Variants in PPP2R2B observed in about 807,000 individuals in gnomAD.
PPP2R2B encodes protein phosphatase 2 regulatory subunit Bbeta.
PPP2R2B carries 5 observed loss-of-function variants against 46.0 expected under a neutral mutation model. That is an observed-to-expected ratio of 0.11 (90% CI 0.06 to 0.23). The LOEUF is 0.23. Among genes scored for constraint, PPP2R2B ranks in the 10% least tolerant of loss-of-function variants. The pLI is 1.00. For missense variants in PPP2R2B, 367 were observed against 575.0 expected, an observed-to-expected ratio of 0.64 and a Z score of 3.70; for synonymous variants, 215 against 206.7, an observed-to-expected ratio of 1.04 and a Z score of -0.34.
rs991391441 is a variant in PPP2R2B at position 146,590,342 on chromosome 5, C to CA, written c.1053-117dup. 16 of 1,014,544 alleles carry CA rather than the reference C, an allele frequency of 1.6e-5. No homozygotes were observed. The African/African-American group carries it at 1.7e-4, about 11-fold the overall frequency. 62.8% of individuals were successfully genotyped at this position (1,014,544 alleles called of 1,614,324 possible). A position where few individuals can be genotyped will look rare whatever the true frequency, so the allele number is the denominator to read the frequency against. ...CATAGGTTTTATTAAAAACAAAAAC[C>CA]AAAAAATGAGAACAGGCTCTGCAGT... On this transcript the variant is annotated intron_variant, in intron 9 of 9. Coordinates refer to ENST00000394411, the MANE Select transcript of PPP2R2B (RefSeq NM_181675.4).
At chr5:146,817,964 C>T (rs1240781724) in intron 2 of PPP2R2B, among the ~76,000 whole-genome samples, 1 of 152,192 alleles carries the variant, frequency 6.6e-6, no homozygotes, top group Non-Finnish European at 1.5e-5. Context: ...GTCATGGATC[C>T]CTTTCCACCT....
chr5:146,952,720 C>T (rs150216115), intron 1 of PPP2R2B, among the ~76,000 whole-genome samples: 12 of 152,242 alleles, frequency 7.9e-5, no homozygotes, highest in African/African-American at 2.6e-4. Context: ...GGCAGTAACA[C>T]CATCTGTATA....
At chr5:146,824,684 A>C (rs535615211) in intron 2 of PPP2R2B, among the ~76,000 whole-genome samples, 115 of 152,236 alleles carry the variant, frequency 7.6e-4, no homozygotes, top group Non-Finnish European at 1.2e-4. Flanking sequence ...ACTCTTCATA[A>C]TAATTAATTA....
chr5:146,799,486 C>T (rs369596595), intron 2 of PPP2R2B, among the ~76,000 whole-genome samples: 6 of 152,166 alleles, frequency 3.9e-5, no homozygotes, highest in East Asian at 1.9e-4. Flanking sequence ...AAGGAGGTAT[C>T]GACAGGCTAC....
At chr5:146,975,886 C>T (rs1752877935) in intron 1 of PPP2R2B, among the ~76,000 whole-genome samples, 2 of 151,938 alleles carry the variant, frequency 1.3e-5, no homozygotes, top group Admixed American at 6.6e-5. Flanking sequence ...GATCCCTTAT[C>T]AGATATATAA....
At chr5:147,028,882 C>T (rs933235143) in intron 1 of PPP2R2B, among the ~76,000 whole-genome samples, 1 of 152,108 alleles carries the variant, frequency 6.6e-6, no homozygotes, top group Non-Finnish European at 1.5e-5. Context: ...ATCAGTATGT[C>T]GTGGTATTCC....
At chr5:146,917,053 C>T (rs549688011) in intron 1 of PPP2R2B, among the ~76,000 whole-genome samples, 6 of 152,168 alleles carry the variant, frequency 3.9e-5, no homozygotes, top group African/African-American at 1.4e-4. Flanking sequence ...AAGGTTATAG[C>T]AATTATTACA....
intron 1 of PPP2R2B, among the ~76,000 whole-genome samples, chr5:147,033,741 T>C (rs1755903815): frequency 6.6e-6 from 1 of 152,150 alleles, no homozygotes; most frequent in Non-Finnish European, 1.5e-5. Flanking sequence ...TCCAATTTAC[T>C]AGCAATCCTA....
intron 4 of PPP2R2B, among the ~76,000 whole-genome samples, chr5:146,692,564 C>T (rs375412148): frequency 8.6e-4 from 118 of 137,036 alleles, no homozygotes; most frequent in African/African-American, 3.1e-3. Flanking sequence ...GACAGAGTCT[C>T]GCATTTTCAC....
intron 1 of PPP2R2B, among the ~76,000 whole-genome samples, chr5:146,904,739 C>G (rs1316071916): frequency 6.6e-6 from 1 of 152,236 alleles, no homozygotes; most frequent in Admixed American, 6.5e-5. Flanking sequence ...GTTAAGAACA[C>G]AGTGATGAAC....
chr5:146,693,431 T>C (rs1351144842), intron 4 of PPP2R2B, among the ~76,000 whole-genome samples: 1 of 151,936 alleles, frequency 6.6e-6, no homozygotes, highest in African/African-American at 2.4e-5. Context: ...CCCAGGCTGA[T>C]CTCAAACTCC....
chr5:146,628,661 A>G (rs1398564726), intron 7 of PPP2R2B, among the ~76,000 whole-genome samples: 1 of 152,232 alleles, frequency 6.6e-6, no homozygotes, highest in Middle Eastern at 3.2e-3. Flanking sequence ...TTAAGATGCT[A>G]CTGCAGAACC....
chr5:147,049,123 T>TGA (rs3063245), intron 1 of PPP2R2B, among the ~76,000 whole-genome samples: 2 of 151,236 alleles, frequency 1.3e-5, no homozygotes, highest in African/African-American at 4.9e-5. Flanking sequence ...TGTGTGTGTG[T>TGA]GAGATATTTT....
intron 2 of PPP2R2B, among the ~76,000 whole-genome samples, chr5:146,839,989 A>G (rs1245354062): frequency 6.6e-6 from 1 of 152,236 alleles, no homozygotes; most frequent in Admixed American, 6.5e-5. Context: ...CTCTGGGCAA[A>G]TAGTACAAAC....
At chr5:147,017,348 G>T (rs907858288) in intron 1 of PPP2R2B, among the ~76,000 whole-genome samples, 4 of 151,588 alleles carry the variant, frequency 2.6e-5, no homozygotes, top group African/African-American at 9.7e-5. Flanking sequence ...ATGTGGGAGG[G>T]AGATGACAGT....
chr5:147,065,084 T>A (rs1270274897), intron 2 of PPP2R2B, among the ~76,000 whole-genome samples: 1 of 152,190 alleles, frequency 6.6e-6, no homozygotes, highest in Admixed American at 6.5e-5. Flanking sequence ...CAGCAAGTAG[T>A]TGTAGCAGAC....
intron 2 of PPP2R2B, among the ~76,000 whole-genome samples, chr5:146,842,118 A>C (rs1759687000): frequency 1.3e-5 from 2 of 152,122 alleles, no homozygotes. Context: ...TCCTCCCCTT[A>C]AAGTACTGCA....
intron 6 of PPP2R2B, among the ~76,000 whole-genome samples, chr5:146,641,579 C>T (rs1356628012): frequency 6.9e-6 from 1 of 145,306 alleles, no homozygotes; most frequent in Non-Finnish European, 1.5e-5. Context: ...TGGATTTTTA[C>T]CTGCTGGAGG....
At position 147,073,049 on chromosome 5, in the gene PPP2R2B, G is replaced by A. The variant is rs77736908; in HGVS notation, c.50+8010C>T. Among the ~76,000 whole-genome samples, 472 of 152,278 alleles carry A rather than the reference G, an allele frequency of 3.1e-3. 1 individual carries two copies. The highest frequency in any genetic ancestry group is 5.6e-3 in the Non-Finnish European group (380 of 68,024). On this transcript the variant is annotated intron_variant, in intron 2 of 10. Transcript: ENST00000394413. Reference sequence around the variant, plus strand: ...CATGTGGTGATGTCCTCAGGAAAGTGTACAGTGCTTAATGGAGGGGAGCAA... The same window carrying A: ...CATGTGGTGATGTCCTCAGGAAAGTATACAGTGCTTAATGGAGGGGAGCAA...
Sources: allele counts gnomAD v4.1 joint callset (sites outside exome capture counted in the v4.1 genomes callset), GRCh38; gene constraint gnomAD v4.1.1; transcripts MANE v1.5; gene names NCBI Gene and HGNC (gene_info 2026-07-23, HGNC 2026-07-21).